Variants in DOCK8 observed in about 807,000 individuals in gnomAD.
DOCK8 encodes dedicator of cytokinesis 8.
Under a neutral mutation model 245.6 loss-of-function variants are expected in DOCK8, and 141 were observed. The observed-to-expected ratio is 0.57, with a 90% CI of 0.50 to 0.66. The LOEUF is 0.66. Among genes scored for constraint, DOCK8 ranks in the 30% least tolerant of loss-of-function variants. The pLI, the probability that DOCK8 is intolerant of heterozygous loss-of-function variation, is 0.00. For synonymous variants in DOCK8, 1,168 were observed against 970.2 expected, an observed-to-expected ratio of 1.20 and a Z score of -3.79; for missense variants, 2,965 against 2,603.4, an observed-to-expected ratio of 1.14 and a Z score of -3.02.
Position 386,424 on chromosome 9 carries a change from AAG to A in DOCK8, c.2873_2874del (p.Lys958ThrfsTer4). 1 of 1,613,062 alleles carries A rather than the reference AAG, an allele frequency of 6.2e-7. No individual in the cohort carries two copies. Among genetic ancestry groups the A allele is most frequent in the Non-Finnish European group, 8.5e-7 (1 of 1,179,288 alleles). On this transcript the variant is annotated frameshift_variant and splice_region_variant, in exon 23 of 48. Coordinates refer to ENST00000432829, the MANE Select transcript of DOCK8 (RefSeq NM_203447.4). LOFTEE classifies it high-confidence loss of function. The part of the protein sequence containing the change: ...SPAAPRPASK[K>X]HFHEELALQM... ...TGCAGCCCCAAGGCCAGCCAGCAAAAAGGTACTGAAGAGAGCAATGTGAGGTT... is the reference window on the plus strand; with the variant it reads ...TGCAGCCCCAAGGCCAGCCAGCAAAAGTACTGAAGAGAGCAATGTGAGGTT...
chr9:369,800 C>A, intron 15 of DOCK8: 1 of 243,444 alleles, frequency 4.1e-6, no homozygotes, highest in Non-Finnish European at 8.1e-6. Context: ...GTTGTAGTCC[C>A]AGCACTTTTT....
intron 26 of DOCK8, among the ~76,000 whole-genome samples, chr9:404,086 C>G (rs904106228): frequency 6.7e-6 from 1 of 150,066 alleles, no homozygotes; most frequent in Non-Finnish European, 1.5e-5. Context: ...CTTCATATTT[C>G]TGTGCTGGGG....
At chr9:454,930 C>G (rs2057586975) in intron 46 of DOCK8, among the ~76,000 whole-genome samples, 2 of 152,228 alleles carry the variant, frequency 1.3e-5, no homozygotes, top group Admixed American at 6.5e-5. Flanking sequence ...AGGAAATGGA[C>G]TTTCCTAGGG....
chr9:428,082 A>G (rs2056565166), intron 34 of DOCK8, among the ~76,000 whole-genome samples: 1 of 152,240 alleles, frequency 6.6e-6, no homozygotes. Context: ...AGAACTTTCC[A>G]AAAGATGTGA....
intron 46 of DOCK8, 30 bp downstream of exon 46, chr9:452,147 T>A: frequency 6.9e-7 from 1 of 1,444,710 alleles, no homozygotes; most frequent in Non-Finnish European, 9.7e-7. Context: ...GGAATTTCAG[T>A]AGAGCAGTGG....
intron 4 of DOCK8, among the ~76,000 whole-genome samples, chr9:300,720 C>G (rs1290556274): frequency 6.6e-6 from 1 of 152,130 alleles, no homozygotes; most frequent in Non-Finnish European, 1.5e-5. Flanking sequence ...ATAAATACCC[C>G]TATGCACACA....
intron 22 of DOCK8, 126 bp from the exon 23 acceptor site, chr9:386,205 G>T: frequency 1.3e-6 from 1 of 774,826 alleles, no homozygotes; most frequent in Non-Finnish European, 2.2e-6. Flanking sequence ...TATGGCAATT[G>T]TTTTACCTTT....
rs192746986 is a variant in DOCK8 at position 324,716 on chromosome 9, T to G, written c.828-955T>G. ...CATTCATCCCCATCAAAACCCAGCC[T>G]TCTTCTGACTGTCCCACTACAAATC... On this transcript the variant is annotated intron_variant, in intron 7 of 47. Coordinates refer to ENST00000432829, the MANE Select transcript of DOCK8 (RefSeq NM_203447.4). Among the ~76,000 whole-genome samples the G allele has an allele frequency of 7.1e-3, 1,082 of 152,266 alleles. 14 individuals are homozygous for G. Among genetic ancestry groups the G allele is most frequent in the Non-Finnish European group, 8.3e-3 (562 of 68,020 alleles).
At position 286,604 on chromosome 9, in the gene DOCK8, T is replaced by C. The variant is rs147334399; in HGVS notation, c.300T>C (p.Cys100=). 8.7e-6 allele frequency: 14 copies of C among 1,613,896 alleles called. No individual in the cohort carries two copies. In the African/African-American group the frequency reaches 1.6e-4, roughly 18 times the overall value. ...DLDVVFTPKE[C]RTLQPSLPEE... ...ACGTGGTGTTCACGCCAAAGGAATG[T>C]AGGACTTTGCAGCCCTCTTTGCCGG... is the stretch of plus-strand genomic sequence containing the variant. The change falls in exon 3 of 48, where the codon TGT becomes TGC. Residue 100 remains cysteine, a synonymous_variant. Coordinates refer to ENST00000432829, the MANE Select transcript of DOCK8 (RefSeq NM_203447.4).
rs571766487 is a variant in DOCK8 at position 333,186 on chromosome 9, C to G, written c.1125+708C>G. On this transcript the variant is annotated intron_variant, in intron 10 of 47. Transcript: ENST00000432829. ...GCTGCCCTTTCAGGTATGCAAATAA[C>G]TGGGAATTGGCTGCCACTACCATGC... Among the ~76,000 whole-genome samples, 293 of 152,316 alleles carry G rather than the reference C, an allele frequency of 1.9e-3. 1 individual carries two copies. The highest frequency in any genetic ancestry group is 6.9e-3 in the African/African-American group (286 of 41,570).
intron 1 of DOCK8, among the ~76,000 whole-genome samples, chr9:243,698 C>T (rs2047432782): frequency 6.6e-6 from 1 of 152,070 alleles, no homozygotes; most frequent in Non-Finnish European, 1.5e-5. Context: ...CAAGTGGTTC[C>T]AGATAAAGTG....
chr9:286,711 C>T, intron 3 of DOCK8, 75 bp downstream of exon 3: 1 of 1,382,188 alleles, frequency 7.2e-7, no homozygotes, highest in Non-Finnish European at 1.0e-6. Context: ...GGGGAGATGC[C>T]TTCAATCTGA....
chr9:444,799 C>T lies in DOCK8; in HGVS notation c.5580+1283C>T, dbSNP rs150715842. Among the ~76,000 whole-genome samples the T allele has an allele frequency of 1.9e-3, 284 of 152,288 alleles. 3 individuals carry two copies. Among genetic ancestry groups the T allele is most frequent in the African/African-American group, 6.5e-3 (268 of 41,544 alleles). ...TGTGCTAGGAAATGGAGACAAAGACCAGACATATTCTTTATTATACCACAA... is the reference window on the plus strand; with the variant it reads ...TGTGCTAGGAAATGGAGACAAAGACTAGACATATTCTTTATTATACCACAA... On this transcript the variant is annotated intron_variant, in intron 43 of 47. Transcript: ENST00000432829.
At chr9:337,931 A>G (rs1482472835) in intron 12 of DOCK8, among the ~76,000 whole-genome samples, 1 of 152,180 alleles carries the variant, frequency 6.6e-6, no homozygotes, top group African/African-American at 2.4e-5. Context: ...AGGCAGGTGG[A>G]TTATGTGAGG....
At chr9:457,201 G>A (rs1259076637) in intron 46 of DOCK8, among the ~76,000 whole-genome samples, 1 of 152,010 alleles carries the variant, frequency 6.6e-6, no homozygotes, top group East Asian at 1.9e-4. Context: ...TTCCTAGGCA[G>A]TATATGTGGC....
intron 1 of DOCK8, among the ~76,000 whole-genome samples, chr9:244,616 C>G (rs926464276): frequency 6.6e-6 from 1 of 152,186 alleles, no homozygotes; most frequent in African/African-American, 2.4e-5. Context: ...AGATCCCATA[C>G]AACACCTATC....
chr9:421,355 G>A (rs983957147), intron 32 of DOCK8, among the ~76,000 whole-genome samples: 30 of 152,342 alleles, frequency 2.0e-4, no homozygotes, highest in African/African-American at 7.0e-4. Context: ...CTCTAAGAAT[G>A]TCAGTCATGG....
intron 28 of DOCK8, among the ~76,000 whole-genome samples, chr9:407,996 T>C (rs1429245755): frequency 6.6e-6 from 1 of 152,182 alleles, no homozygotes; most frequent in African/African-American, 2.4e-5. Context: ...GAACGAAATC[T>C]AAAGCCATGG....
Position 286,502 on chromosome 9 carries a change from A to G in DOCK8, c.198A>G (p.Gly66=). ...YDPVEPVDFE[G]LLMTHLNSLD... is the part of the protein sequence containing the mutation. ...CTGTGGAGCCAGTGGACTTTGAAGG[A>G]CTTCTGATGACACACCTGAACAGCC... The change falls in exon 3 of 48, where the codon GGA becomes GGG. Residue 66 remains glycine (G), a synonymous_variant. Coordinates refer to ENST00000432829, the MANE Select transcript of DOCK8 (RefSeq NM_203447.4). 7 of 1,613,916 alleles carry G rather than the reference A, an allele frequency of 4.3e-6. No homozygotes were observed. The highest frequency in any genetic ancestry group is 5.9e-6 in the Non-Finnish European group (7 of 1,179,914).
Sources: allele counts gnomAD v4.1 joint callset (sites outside exome capture counted in the v4.1 genomes callset), GRCh38; gene constraint gnomAD v4.1.1; transcripts MANE v1.5; gene names NCBI Gene and HGNC (gene_info 2026-07-23, HGNC 2026-07-21).